BCAS1: variants seen among roughly 807,000 people sequenced by gnomAD.
The protein encoded by BCAS1 is brain enriched myelin associated protein 1.
BCAS1 carries 46 observed loss-of-function variants against 65.4 expected under a neutral mutation model. The observed-to-expected ratio is 0.70, with a 90% CI of 0.55 to 0.90. The LOEUF is 0.90. Ranked by LOEUF, BCAS1 falls within the 40% of genes least tolerant of loss-of-function variation. The pLI, the probability that BCAS1 is intolerant of heterozygous loss-of-function variation, is 0.00. For synonymous variants in BCAS1, 298 were observed against 293.5 expected (o/e 1.02, Z -0.16); for missense variants, 793 against 771.2 (o/e 1.03, Z -0.33).
chr20:54,028,020 A>C (rs2091712785), intron 4 of BCAS1, among the ~76,000 whole-genome samples: 1 of 152,220 alleles, frequency 6.6e-6, no homozygotes, highest in Non-Finnish European at 1.5e-5. Context: ...AACTACAGAG[A>C]CTAGGTAACA....
chr20:53,990,388 AC>A (rs1232826591), intron 7 of BCAS1, among the ~76,000 whole-genome samples: 1 of 152,238 alleles, frequency 6.6e-6, no homozygotes, highest in East Asian at 1.9e-4. Context: ...AAAAGCTGAC[AC>A]TAAATGTATT....
intron 4 of BCAS1, among the ~76,000 whole-genome samples, chr20:54,006,321 T>C (rs1181285023): frequency 6.6e-6 from 1 of 152,108 alleles, no homozygotes; most frequent in Admixed American, 6.6e-5. Context: ...TCCCCCTTCT[T>C]CCAGACTGCA....
rs547373708 is a variant in BCAS1 at position 53,948,306 on chromosome 20, C to T, written c.1816-3310G>A. 1.3e-3 allele frequency among the ~76,000 whole-genome samples: 191 copies of T among 152,262 alleles called. 1 individual carries two copies. Among genetic ancestry groups the T allele is most frequent in the Non-Finnish European group, 2.0e-3 (138 of 68,028 alleles). ...AACTCAGATGGCCAAGTGGCTGCCACGGGCCTGAACTTTGCAATAGATGAA... is the reference window on the plus strand; with the variant it reads ...AACTCAGATGGCCAAGTGGCTGCCATGGGCCTGAACTTTGCAATAGATGAA... On this transcript the variant is annotated intron_variant, in intron 12 of 12. Transcript: ENST00000688948.
intron 4 of BCAS1, among the ~76,000 whole-genome samples, chr20:53,999,048 T>C (rs946554728): frequency 1.3e-5 from 2 of 152,204 alleles, no homozygotes; most frequent in African/African-American, 2.4e-5. Context: ...TAAAATTCTA[T>C]AGATTATTTG....
chr20:54,014,711 C>T (rs10485439), intron 4 of BCAS1, among the ~76,000 whole-genome samples: 6,801 of 152,222 alleles, frequency 0.045, 493 homozygotes, highest in African/African-American at 0.16. Flanking sequence ...TTCCATCTGT[C>T]AGAAATTTGA....
Position 53,985,296 on chromosome 20 carries a change from A to G in BCAS1, c.1266T>C (p.Phe422=). 6.2e-7 allele frequency: 1 copy of G among 1,613,138 alleles called. No individual in the cohort carries two copies. Among genetic ancestry groups the G allele is most frequent in the South Asian group, 1.1e-5 (1 of 91,044 alleles). ...TGAAAATCAGACTTACCTTTTTCCAAAACAGTTTGCCCAGAGGCAGAGAGG... is the reference window on the plus strand; with the variant it reads ...TGAAAATCAGACTTACCTTTTTCCAGAACAGTTTGCCCAGAGGCAGAGAGG... ...GPTSLPLGKL[F]WKKSVKEDSV... The change falls in exon 8 of 13, where the codon TTT becomes TTC. Residue 422 remains phenylalanine, a synonymous_variant. Coordinates refer to ENST00000688948, the MANE Select transcript of BCAS1 (RefSeq NM_001366298.2).
At chr20:54,037,334 C>T (rs2091916603) in intron 3 of BCAS1, among the ~76,000 whole-genome samples, 1 of 151,522 alleles carries the variant, frequency 6.6e-6, no homozygotes, top group South Asian at 2.1e-4. Context: ...TGAGAACTCA[C>T]TTACTTTTAT....
At chr20:54,023,441 T>A (rs984131693) in intron 4 of BCAS1, among the ~76,000 whole-genome samples, 3 of 152,234 alleles carry the variant, frequency 2.0e-5, no homozygotes, top group Non-Finnish European at 4.4e-5. Flanking sequence ...ATGAGCTGAT[T>A]TCTACAAAAT....
intron 4 of BCAS1, among the ~76,000 whole-genome samples, chr20:54,016,473 C>G (rs1297468277): frequency 6.6e-6 from 1 of 152,188 alleles, no homozygotes; most frequent in Non-Finnish European, 1.5e-5. Flanking sequence ...AAACATTCGA[C>G]TTATTCTATT....
At chr20:54,004,246 G>A (rs1163948159) in intron 4 of BCAS1, among the ~76,000 whole-genome samples, 2 of 152,184 alleles carry the variant, frequency 1.3e-5, no homozygotes, top group Non-Finnish European at 2.9e-5. Flanking sequence ...AGGGTGCAAT[G>A]AGAAGCTGGC....
intron 9 of BCAS1, among the ~76,000 whole-genome samples, chr20:53,970,205 C>A (rs1323341132): frequency 6.6e-6 from 1 of 152,176 alleles, no homozygotes; most frequent in Non-Finnish European, 1.5e-5. Context: ...CTTGCTGAGC[C>A]TTTCCAAATG....
chr20:54,011,775 C>T (rs947307014), intron 4 of BCAS1, among the ~76,000 whole-genome samples: 5 of 152,134 alleles, frequency 3.3e-5, no homozygotes, highest in African/African-American at 4.8e-5. Flanking sequence ...GGGGCTGAGA[C>T]GGGAAGATCA....
chr20:54,020,676 C>T (rs76431157), intron 4 of BCAS1, among the ~76,000 whole-genome samples: 93 of 152,320 alleles, frequency 6.1e-4, no homozygotes, highest in Non-Finnish European at 9.6e-4. Flanking sequence ...AAAAAATGGT[C>T]ACGTCTCTTA....
At chr20:53,954,294 GGAGAGAGAGAGAGAGA>G (rs71196437) in intron 11 of BCAS1, among the ~76,000 whole-genome samples, 75 of 125,914 alleles carry the variant, frequency 6.0e-4, no homozygotes, top group Non-Finnish European at 1.1e-3. Flanking sequence ...GCTGAGAAAT[GGAGAGAGAGAGAGAGA>G]GAGAGAGAGA....
chr20:54,002,310 A>G (rs1318829233), intron 4 of BCAS1, among the ~76,000 whole-genome samples: 1 of 152,102 alleles, frequency 6.6e-6, no homozygotes, highest in Non-Finnish European at 1.5e-5. Context: ...ATTATCTCTT[A>G]TGTCCCGTCT....
In BCAS1 at chr20:53,995,988, A is replaced by G. The variant is rs2090898091; in HGVS notation, c.786T>C (p.Pro262=). The G allele has an allele frequency of 6.2e-7, 1 of 1,613,342 alleles. No individual in the cohort carries two copies. Among genetic ancestry groups the G allele is most frequent in the Non-Finnish European group, 8.5e-7 (1 of 1,179,542 alleles). ...QELGTADCSV[P]GDPEGLETAK... is the part of the protein sequence containing the mutation. ...CAGTCTCCAGTCCTTCTGGGTCCCC[A>G]GGGACAGAGCAATCCGCAGTTCCAA... The change falls in exon 5 of 13, where the codon CCT becomes CCC. Residue 262 remains proline, a synonymous_variant. Coordinates refer to ENST00000688948, the MANE Select transcript of BCAS1 (RefSeq NM_001366298.2).
chr20:54,029,689 C>T (rs1391315811), intron 3 of BCAS1, among the ~76,000 whole-genome samples: 2 of 152,152 alleles, frequency 1.3e-5, no homozygotes, highest in Non-Finnish European at 2.9e-5. Context: ...AAAGCAAGTA[C>T]AATAGCACCT....
In BCAS1 at chr20:54,053,633, T is replaced by G. The variant is rs529654091; in HGVS notation, c.142+4452A>C. 1.5e-4 allele frequency among the ~76,000 whole-genome samples: 23 copies of G among 152,362 alleles called. No individual in the cohort carries two copies. In the East Asian group the frequency reaches 4.4e-3, roughly 29 times the overall value. The stretch of plus-strand genomic sequence containing the variant: ...CCAAGACAGAATAACTTTCCTTATG[T>G]GTTTACCACATGCCAGACACTGTTC... On this transcript the variant is annotated intron_variant, in intron 3 of 12. Coordinates refer to ENST00000688948, the MANE Select transcript of BCAS1 (RefSeq NM_001366298.2).
intron 4 of BCAS1, among the ~76,000 whole-genome samples, chr20:54,026,433 G>A (rs1243141469): frequency 1.3e-5 from 2 of 152,134 alleles, no homozygotes; most frequent in Non-Finnish European, 2.9e-5. Context: ...TTTTATGGCT[G>A]AGTACATTGG....
Sources: allele counts gnomAD v4.1 joint callset (sites outside exome capture counted in the v4.1 genomes callset), GRCh38; gene constraint gnomAD v4.1.1; transcripts MANE v1.5; gene names NCBI Gene and HGNC (gene_info 2026-07-23, HGNC 2026-07-21).